Variants in WDR82 observed in about 807,000 individuals in gnomAD.
WDR82 encodes the protein WD repeat domain 82.
In WDR82, 8 loss-of-function variants were observed where a neutral mutation model predicts 36.1. The ratio of observed to expected loss-of-function variants is 0.22; its 90% confidence interval spans 0.13 to 0.40. The LOEUF is 0.40. WDR82 is among the 10% of genes least tolerant of loss of function. The pLI, the probability that WDR82 is intolerant of heterozygous loss-of-function variation, is 1.00. For missense variants in WDR82, 185 were observed against 400.5 expected (o/e 0.46, Z 4.59); for synonymous variants, 129 against 137.8 (o/e 0.94, Z 0.45).
At chr3:52,269,176 T>C (rs1011329809) in intron 2 of WDR82, among the ~76,000 whole-genome samples, 5 of 152,068 alleles carry the variant, frequency 3.3e-5, no homozygotes, top group Non-Finnish European at 5.9e-5. Flanking sequence ...CTGAAATAAG[T>C]TTAAAAACAG....
chr3:52,262,997 G>A (rs563385027), intron 3 of WDR82, among the ~76,000 whole-genome samples: 1 of 152,202 alleles, frequency 6.6e-6, no homozygotes, highest in African/African-American at 2.4e-5. Flanking sequence ...GCCTGGTGGC[G>A]TACACCTGTA....
At chr3:52,266,498 C>T (rs778487818) in intron 3 of WDR82, among the ~76,000 whole-genome samples, 1 of 152,032 alleles carries the variant, frequency 6.6e-6, no homozygotes, top group Admixed American at 6.6e-5. Flanking sequence ...AGTGCAGTGG[C>T]GCGATCTCGG....
intron 8 of WDR82, among the ~76,000 whole-genome samples, chr3:52,257,938 G>GT (rs1700028020): frequency 6.6e-6 from 1 of 151,032 alleles, no homozygotes. Flanking sequence ...TTTTTTCTTG[G>GT]TTAAAAAAAA....
At chr3:52,273,628 T>G (rs1700173804) in intron 1 of WDR82, among the ~76,000 whole-genome samples, 1 of 152,164 alleles carries the variant, frequency 6.6e-6, no homozygotes, top group South Asian at 2.1e-4. Context: ...ATTTTTATTA[T>G]TTTTATGTTT....
At position 52,270,754 on chromosome 3, in the gene WDR82, G is replaced by T; in HGVS notation, c.217C>A (p.His73Asn). ...KYGVDLIRYT[H>N]AANTVVYSSN... ...CTGTAAACAACTGTGTTTGCTGCAT[G>T]AGTGTATCTGATGAGGTCCACACCA... The change falls in exon 2 of 9, where the codon CAT becomes AAT. Residue 73 changes from histidine to asparagine, a missense_variant. Physicochemically the swap from His to Asn is moderately conservative, Grantham distance 68. Transcript: ENST00000296490. The T allele has an allele frequency of 6.2e-7, 1 of 1,613,548 alleles. No homozygotes were observed.
chr3:52,270,264 C>T (rs1700141681), intron 2 of WDR82, among the ~76,000 whole-genome samples: 1 of 152,150 alleles, frequency 6.6e-6, no homozygotes, highest in South Asian at 2.1e-4. Context: ...GGATTATAGG[C>T]GTGCACCACT....
intron 1 of WDR82, among the ~76,000 whole-genome samples, chr3:52,276,183 T>C (rs1307466432): frequency 6.6e-6 from 1 of 152,108 alleles, no homozygotes; most frequent in East Asian, 1.9e-4. Context: ...CCTATAATCC[T>C]AGCACTTTGG....
intron 3 of WDR82, 62 bp downstream of exon 3, chr3:52,266,890 C>T (rs1202371166): frequency 1.7e-5 from 25 of 1,432,266 alleles, no homozygotes; most frequent in Non-Finnish European, 2.4e-5. Context: ...CTCTAGCCTT[C>T]TATTCTCTGG....
chr3:52,275,603 G>C (rs1415469137), intron 1 of WDR82, among the ~76,000 whole-genome samples: 3 of 151,932 alleles, frequency 2.0e-5, no homozygotes, highest in Non-Finnish European at 4.4e-5. Context: ...AATCCACGTT[G>C]AGCCGGGCGC....
chr3:52,275,859 G>C (rs1436215248), intron 1 of WDR82, among the ~76,000 whole-genome samples: 1 of 152,154 alleles, frequency 6.6e-6, no homozygotes, highest in African/African-American at 2.4e-5. Context: ...ACTCCAGCCT[G>C]GGCGACTGAG....
chr3:52,278,450 G>C lies in WDR82; in HGVS notation c.-89C>G, dbSNP rs1700228154. 1 of 1,119,072 alleles carries C rather than the reference G, an allele frequency of 8.9e-7. No individual in the cohort carries two copies. Among genetic ancestry groups the C allele is most frequent in the Non-Finnish European group, 1.1e-6 (1 of 904,032 alleles). 69.3% of individuals were successfully genotyped at this position (1,119,072 alleles called of 1,614,324 possible). ...GGCTGCCGAGGGGCCAACCCAGGCG[G>C]GGCGGGCGCCGCGCCGGCGGCTAGC... On this transcript the variant is annotated 5_prime_UTR_variant, in exon 1 of 9. Transcript: ENST00000296490.
chr3:52,266,449 T>C (rs994380373), intron 3 of WDR82, among the ~76,000 whole-genome samples: 3 of 152,084 alleles, frequency 2.0e-5, no homozygotes, highest in South Asian at 4.1e-4. Context: ...TATACATATA[T>C]ATCTTTGAGA....
chr3:52,274,273 A>G (rs999610620), intron 1 of WDR82, among the ~76,000 whole-genome samples: 1 of 152,228 alleles, frequency 6.6e-6, no homozygotes, highest in Admixed American at 6.5e-5. Flanking sequence ...TCTAATAAAG[A>G]TACTATGCCT....
In WDR82 at chr3:52,267,023, A is replaced by G. The variant is rs1180515428; in HGVS notation, c.260-5T>C. 1 of 1,605,416 alleles carries G rather than the reference A, an allele frequency of 6.2e-7. No individual in the cohort carries two copies. The highest frequency in any genetic ancestry group is 1.1e-5 in the South Asian group (1 of 90,652). ...AGGACAAGTAACGAATAGTATCTGT[A>G]AAAAGACAAACAAGGTATGATGATA... On this transcript the variant is annotated splice_polypyrimidine_tract_variant and splice_region_variant and intron_variant, in intron 2 of 8. Coordinates refer to ENST00000296490, the MANE Select transcript of WDR82 (RefSeq NM_025222.4).
At position 52,270,851 on chromosome 3, in the gene WDR82, T is replaced by C; in HGVS notation, c.162-42A>G. 3 of 1,455,304 alleles carry C rather than the reference T, an allele frequency of 2.1e-6. No individual in the cohort carries two copies. In the South Asian group the frequency reaches 3.7e-5, roughly 18 times the overall value. 90.1% of individuals were successfully genotyped at this position (1,455,304 alleles called of 1,614,324 possible). ...GACAGAAAATCATGAACATTCTCCA[T>C]CATCAAAATCTGGGATCTCCACATA... is the stretch of plus-strand genomic sequence containing the variant. On this transcript the variant is annotated intron_variant, in intron 1 of 8. Coordinates refer to ENST00000296490, the MANE Select transcript of WDR82 (RefSeq NM_025222.4).
intron 1 of WDR82, among the ~76,000 whole-genome samples, chr3:52,272,060 A>G (rs1700159027): frequency 6.6e-6 from 1 of 152,210 alleles, no homozygotes; most frequent in Non-Finnish European, 1.5e-5. Flanking sequence ...ACTGCAATAC[A>G]GCCTCTGCGA....
intron 2 of WDR82, among the ~76,000 whole-genome samples, chr3:52,269,860 A>G (rs1446909090): frequency 1.3e-5 from 2 of 152,246 alleles, no homozygotes; most frequent in Non-Finnish European, 2.9e-5. Context: ...CGAGACATGC[A>G]GGCAAAAACA....
chr3:52,259,604 G>A (rs1700042829), intron 6 of WDR82, 113 bp downstream of exon 6: 18 of 1,276,928 alleles, frequency 1.4e-5, no homozygotes, highest in Non-Finnish European at 1.7e-5. Flanking sequence ...ACAAGTGCAT[G>A]CCTTCATGAG....
At position 52,278,403 on chromosome 3, in the gene WDR82, G is replaced by C. The variant is rs1302667954; in HGVS notation, c.-42C>G. On this transcript the variant is annotated 5_prime_UTR_variant, in exon 1 of 9. Transcript: ENST00000296490. ...GGCAGCGGCGGCGCAGGGCCGGGGCGGGGCCCGGCGGCGAGCGGGCGGGCT... is the reference window on the plus strand; with the variant it reads ...GGCAGCGGCGGCGCAGGGCCGGGGCCGGGCCCGGCGGCGAGCGGGCGGGCT... 7.8e-7 allele frequency: 1 copy of C among 1,285,290 alleles called. No homozygotes were observed. Among genetic ancestry groups the C allele is most frequent in the South Asian group, 2.1e-5 (1 of 46,952 alleles). 79.6% of individuals were successfully genotyped at this position (1,285,290 alleles called of 1,614,324 possible).
Sources: allele counts gnomAD v4.1 joint callset (sites outside exome capture counted in the v4.1 genomes callset), GRCh38; gene constraint gnomAD v4.1.1; transcripts MANE v1.5; gene names NCBI Gene and HGNC (gene_info 2026-07-23, HGNC 2026-07-21).